Variants in FAM135B observed in about 807,000 individuals in gnomAD.
FAM135B encodes the protein family with sequence similarity 135 member B.
FAM135B carries 43 observed loss-of-function variants against 127.7 expected under a neutral mutation model. The ratio of observed to expected loss-of-function variants is 0.34; its 90% CI spans 0.26 to 0.43. FAM135B has a LOEUF of 0.43. Ranked by LOEUF, FAM135B falls within the 20% of genes least tolerant of loss-of-function variation. The probability of loss-of-function intolerance (pLI) is 1.00; values close to 1 mark genes in which losing one functional copy is unlikely to be tolerated. For missense variants in FAM135B, 1,558 were observed against 1,725.6 expected, an observed-to-expected ratio of 0.90 and a Z score of 1.72; for synonymous variants, 670 against 665.1, an observed-to-expected ratio of 1.01 and a Z score of -0.11.
intron 2 of FAM135B, among the ~76,000 whole-genome samples, chr8:138,314,526 T>G (rs1826925201): frequency 6.6e-6 from 1 of 152,090 alleles, no homozygotes; most frequent in African/African-American, 2.4e-5. Flanking sequence ...CATGAAAAGA[T>G]GCTCAAATGT....
At chr8:138,270,975 T>A (rs1295445935) in intron 3 of FAM135B, among the ~76,000 whole-genome samples, 1 of 152,204 alleles carries the variant, frequency 6.6e-6, no homozygotes, top group African/African-American at 2.4e-5. Flanking sequence ...TAAAGACCTA[T>A]GCTTCAATAG....
chr8:138,148,632 C>A lies in FAM135B; in HGVS notation c.3336G>T (p.Leu1112=). 5 of 1,610,544 alleles carry A rather than the reference C, an allele frequency of 3.1e-6. No homozygotes were observed. Among genetic ancestry groups the A allele is most frequent in the Non-Finnish European group, 4.2e-6 (5 of 1,178,174 alleles). ...FKKELKIEGF[L]YSDLTVLASD... is the part of the protein sequence containing the mutation. ...AAGCTAGTACAGTTAAGTCACTGTACAGAAATCCTTCAATCTTCAGTTCTT... is the reference window on the plus strand; with the variant it reads ...AAGCTAGTACAGTTAAGTCACTGTAAAGAAATCCTTCAATCTTCAGTTCTT... Residue 1112 remains leucine, a synonymous_variant, in exon 14 of 20, where the codon CTG becomes CTT. Coordinates refer to ENST00000395297, the MANE Select transcript of FAM135B (RefSeq NM_015912.4).
rs1309405445 is a variant in FAM135B, at chr8:138,242,738, A to G, written c.669+204T>C. Among the ~76,000 whole-genome samples, 1 of 152,190 alleles carries G rather than the reference A, an allele frequency of 6.6e-6. No individual in the cohort carries two copies. Among genetic ancestry groups the G allele is most frequent in the East Asian group, 1.9e-4 (1 of 5,192 alleles). On this transcript the variant is annotated intron_variant, in intron 7 of 19. Coordinates refer to ENST00000395297, the MANE Select transcript of FAM135B (RefSeq NM_015912.4). This position sits in a 1 kb window ranked among gnomAD's most constrained non-coding sequence, Gnocchi z 9.6. ...ATCATATGAAGACCATATTCCCTGT[A>G]TCTATCCCAGGGCTTGGCCTTAGAA...
At chr8:138,179,799 T>C (rs768216824) in intron 9 of FAM135B, among the ~76,000 whole-genome samples, 2 of 152,082 alleles carry the variant, frequency 1.3e-5, no homozygotes, top group Non-Finnish European at 2.9e-5. Flanking sequence ...GCTCCAGCAA[T>C]CCTCCAATCT....
chr8:138,402,158 T>C (rs906118525), intron 1 of FAM135B, among the ~76,000 whole-genome samples: 3 of 151,892 alleles, frequency 2.0e-5, no homozygotes, highest in African/African-American at 7.3e-5. Flanking sequence ...CCAAAATCAC[T>C]GGGGGCTTAG....
At chr8:138,438,082 G>A (rs1016921965) in intron 1 of FAM135B, 6 of 152,124 alleles carry the variant, frequency 3.9e-5, no homozygotes, top group African/African-American at 1.4e-4. Context: ...CTTTGTCTGG[G>A]AAACCTGCTC....
rs374311712 is a variant in FAM135B, at chr8:138,481,723, T to C, written c.-20+14948A>G. Among the ~76,000 whole-genome samples the C allele has an allele frequency of 5.8e-4, 88 of 152,334 alleles. 1 individual carries two copies. The highest frequency in any genetic ancestry group is 2.1e-3 in the African/African-American group (86 of 41,588). The stretch of plus-strand genomic sequence containing the variant: ...AGCTCCTCCACTCTATCATTTTCAC[T>C]TTCCACTTGCTCCTGCCTCTGTCCC... On this transcript the variant is annotated intron_variant, in intron 1 of 19. Transcript: ENST00000395297.
chr8:138,451,484 A>G (rs553171928), intron 1 of FAM135B, among the ~76,000 whole-genome samples: 1 of 152,370 alleles, frequency 6.6e-6, no homozygotes, highest in South Asian at 2.1e-4. Context: ...ATACATGCTG[A>G]GTACAGGTGT....
intron 7 of FAM135B, among the ~76,000 whole-genome samples, chr8:138,210,518 A>T (rs1818055306): frequency 1.3e-5 from 2 of 152,164 alleles, no homozygotes; most frequent in Admixed American, 1.3e-4. Context: ...ATTTACAATC[A>T]TGGTGGAAGG....
intron 9 of FAM135B, among the ~76,000 whole-genome samples, chr8:138,181,689 CTTGT>C (rs1288460230): frequency 1.6e-4 from 17 of 104,498 alleles, no homozygotes; most frequent in Non-Finnish European, 3.2e-4. Flanking sequence ...TTTGTGTCTC[CTTGT>C]TTCTTTTTTT....
intron 3 of FAM135B, among the ~76,000 whole-genome samples, chr8:138,285,390 G>A (rs190996324): frequency 4.7e-4 from 72 of 151,932 alleles, no homozygotes; most frequent in Non-Finnish European, 9.1e-4. Flanking sequence ...CAGGTTATAC[G>A]CCCACCTCGG....
At chr8:138,271,293 A>G (rs1384418467) in intron 3 of FAM135B, among the ~76,000 whole-genome samples, 2 of 152,208 alleles carry the variant, frequency 1.3e-5, no homozygotes, top group African/African-American at 2.4e-5. Context: ...CAAAGAATAT[A>G]AAACATTTTT....
At chr8:138,209,044 T>C (rs1433099225) in intron 7 of FAM135B, among the ~76,000 whole-genome samples, 1 of 152,190 alleles carries the variant, frequency 6.6e-6, no homozygotes, top group African/African-American at 2.4e-5. Context: ...ATTAGAAGCA[T>C]TGTGGTTGGG....
intron 1 of FAM135B, among the ~76,000 whole-genome samples, chr8:138,416,586 T>C (rs1834167602): frequency 6.6e-6 from 1 of 152,100 alleles, no homozygotes; most frequent in Non-Finnish European, 1.5e-5. Context: ...ATTCAAAAAT[T>C]AGTTATTATA....
intron 2 of FAM135B, chr8:138,367,430 T>G: frequency 2.2e-6 from 1 of 456,706 alleles, no homozygotes; most frequent in Non-Finnish European, 4.4e-6. Context: ...ATGAAAGCAT[T>G]ATACTTCAGT....
intron 1 of FAM135B, among the ~76,000 whole-genome samples, chr8:138,494,257 T>C (rs1285789902): frequency 6.6e-6 from 1 of 152,174 alleles, no homozygotes; most frequent in Non-Finnish European, 1.5e-5. Context: ...GCAGCCTACG[T>C]CTGCACAGGT....
chr8:138,185,312 GTAGA>G (rs1343167161), intron 9 of FAM135B, among the ~76,000 whole-genome samples: 2 of 152,164 alleles, frequency 1.3e-5, no homozygotes, highest in East Asian at 1.9e-4. Context: ...TTGTTGGAAG[GTAGA>G]TAGTGTCCCG....
At chr8:138,396,579 G>T (rs1269900936) in intron 1 of FAM135B, among the ~76,000 whole-genome samples, 1 of 152,176 alleles carries the variant, frequency 6.6e-6, no homozygotes, top group Non-Finnish European at 1.5e-5. Flanking sequence ...AAATTTTACA[G>T]CAATTGTGTG....
intron 19 of FAM135B, among the ~76,000 whole-genome samples, chr8:138,136,736 T>C (rs73414744): frequency 0.012 from 1,827 of 152,310 alleles, 34 homozygotes; most frequent in African/African-American, 0.04. Context: ...CTGTCCTATG[T>C]CCTGTTCCAC....
Sources: gnomAD v4.1 joint callset for allele counts (sites outside exome capture counted in the v4.1 genomes callset) on GRCh38, gnomAD v4.1.1 for gene constraint, Gnocchi (gnomAD v3.1) non-coding constraint, MANE v1.5 for transcripts, NCBI Gene and HGNC (gene_info 2026-07-23, HGNC 2026-07-21) for gene names.